Variants in ERCC1 observed in about 807,000 individuals in gnomAD.
ERCC1 encodes ERCC excision repair 1, endonuclease non-catalytic subunit.
A neutral mutation model predicts 37.6 loss-of-function variants in ERCC1; 36 were observed. The observed-to-expected ratio is 0.96, with a 90% CI of 0.73 to 1.26. The LOEUF (loss-of-function observed/expected upper bound fraction) is 1.26. Among genes scored for constraint, ERCC1 ranks in the 50% most tolerant of loss-of-function variants. ERCC1 has a pLI of 0.00. For missense variants in ERCC1, 349 were observed against 376.5 expected (o/e 0.93, Z 0.60); for synonymous variants, 156 against 162.1 (o/e 0.96, Z 0.28).
chr19:45,442,695 A>T (rs1975152328), intron 1 of ERCC1, among the ~76,000 whole-genome samples: 1 of 152,182 alleles, frequency 6.6e-6, no homozygotes, highest in Non-Finnish European at 1.5e-5. Context: ...CAGGATACAA[A>T]TCCCAGGGAG....
chr19:45,419,551 A>G (rs2123504157), intron 4 of ERCC1: 1 of 344,730 alleles, frequency 2.9e-6, no homozygotes, highest in South Asian at 2.5e-5. Flanking sequence ...CCCACTGCCA[A>G]ACCATCTGCT....
intron 1 of ERCC1, among the ~76,000 whole-genome samples, chr19:45,442,037 G>A (rs1276276026): frequency 2.6e-5 from 4 of 151,632 alleles, no homozygotes. Flanking sequence ...GCCAGGTGCG[G>A]TGGCTCATGC....
chr19:45,430,623 T>TTATCA (rs2123569205), intron 1 of ERCC1, among the ~76,000 whole-genome samples: 2 of 152,192 alleles, frequency 1.3e-5, no homozygotes, highest in South Asian at 4.1e-4. Flanking sequence ...TACAAAATTA[T>TTATCA]TATCATAAGC....
chr19:45,432,374 G>A lies in ERCC1; in HGVS notation c.-7-8993C>T, dbSNP rs1333451271. Among the ~76,000 whole-genome samples, 28 of 151,482 alleles carry A rather than the reference G, an allele frequency of 1.8e-4. 1 individual carries two copies. The highest frequency in any genetic ancestry group is 1.6e-3 in the Admixed American group (25 of 15,170). On this transcript the variant is annotated intron_variant, in intron 1 of 8. Transcript: ENST00000423698. ...GCCCAGGCTGGTCTCAAACTCAAGCGATACTTCCACCCCAGCCTCCCAAGT... is the reference window on the plus strand; with the variant it reads ...GCCCAGGCTGGTCTCAAACTCAAGCAATACTTCCACCCCAGCCTCCCAAGT...
Position 45,409,626 on chromosome 19 carries a change from G to T in ERCC1, c.*49C>A, listed in dbSNP as rs758155521. 1 of 1,548,498 alleles carries T rather than the reference G, an allele frequency of 6.5e-7. No individual in the cohort carries two copies. Among genetic ancestry groups the T allele is most frequent in the East Asian group, 2.3e-5 (1 of 44,414 alleles). On this transcript the variant is annotated 3_prime_UTR_variant, in exon 10 of 10. Transcript: ENST00000300853. Reference sequence around the variant, plus strand: ...GCGCAGCCAGCAGGAGCCTGGCCTGGGAGGACGATTTATTATTACACTGGG... The same window carrying T: ...GCGCAGCCAGCAGGAGCCTGGCCTGTGAGGACGATTTATTATTACACTGGG...
At chr19:45,415,892 T>A (rs1365154700) in intron 6 of ERCC1, 2 of 426,600 alleles carry the variant, frequency 4.7e-6, no homozygotes, top group Non-Finnish European at 9.6e-6. Context: ...TCCCAGCACT[T>A]TGGGAGGCTG....
intron 1 of ERCC1, among the ~76,000 whole-genome samples, chr19:45,433,092 A>C (rs1185824548): frequency 6.6e-6 from 1 of 151,864 alleles, no homozygotes; most frequent in African/African-American, 2.4e-5. Context: ...AAATAAATAA[A>C]TAAATAAATG....
chr19:45,414,728 AGTTTCG>A, intron 7 of ERCC1, 127 bp downstream of exon 7: 2 of 696,326 alleles, frequency 2.9e-6, no homozygotes, highest in Non-Finnish European at 5.2e-6. Context: ...CTCTAGCTGC[AGTTTCG>A]GTGGGATGGG....
At chr19:45,412,593 T>C (rs1973810116) in intron 9 of ERCC1, among the ~76,000 whole-genome samples, 1 of 152,240 alleles carries the variant, frequency 6.6e-6, no homozygotes, top group Non-Finnish European at 1.5e-5. Flanking sequence ...TGGATTATTA[T>C]ATTTTATCCT....
intron 1 of ERCC1, among the ~76,000 whole-genome samples, chr19:45,439,852 G>T (rs994859476): frequency 6.6e-6 from 1 of 151,920 alleles, no homozygotes; most frequent in East Asian, 1.9e-4. Flanking sequence ...CCTCCCCGGG[G>T]CCCTCAGTGG....
At position 45,414,852 on chromosome 19, in the gene ERCC1, TG is replaced by T; in HGVS notation, c.702+8del. On this transcript the variant is annotated splice_region_variant and intron_variant, in intron 7 of 9. Coordinates refer to ENST00000300853, the MANE Select transcript of ERCC1 (RefSeq NM_001983.4). ...GCCCAGGCAGGGATGGGAGGTGAGGTGGCCTCACCCGGGAGACGAAGTCCTG... is the reference window on the plus strand; with the variant it reads ...GCCCAGGCAGGGATGGGAGGTGAGGTGCCTCACCCGGGAGACGAAGTCCTG... 6.3e-7 allele frequency: 1 copy of T among 1,592,402 alleles called. No homozygotes were observed. The highest frequency in any genetic ancestry group is 8.6e-7 in the Non-Finnish European group (1 of 1,160,424).
upstream of ERCC1, among the ~76,000 whole-genome samples, chr19:45,425,445 A>G (rs3212924): frequency 0.26 from 38,815 of 151,686 alleles, 5,247 homozygotes; most frequent in Admixed American, 0.35. Context: ...CTGGAGTGCA[A>G]TGGAGCAATC....
rs1318684807 is a variant in ERCC1 at position 45,420,056 on chromosome 19, C to T, written c.425+268G>A. Among the ~76,000 whole-genome samples, 4 of 149,586 alleles carry T rather than the reference C, an allele frequency of 2.7e-5. No homozygotes were observed. Among genetic ancestry groups the T allele is most frequent in the African/African-American group, 9.9e-5 (4 of 40,448 alleles). Reference sequence around the variant, plus strand: ...CTCCTCCCTCAGATCCCCAGGAGTCCAGCCCTCAGCCCCTCCTCCCCCGGA... The same window carrying T: ...CTCCTCCCTCAGATCCCCAGGAGTCTAGCCCTCAGCCCCTCCTCCCCCGGA... On this transcript the variant is annotated intron_variant, in intron 4 of 9. Transcript: ENST00000300853. The surrounding 1 kb of genome is among the most constrained non-coding windows in gnomAD (Gnocchi z 4.8).
intron 1 of ERCC1, among the ~76,000 whole-genome samples, chr19:45,438,821 A>T (rs1568599342): frequency 6.6e-6 from 1 of 150,394 alleles, no homozygotes; most frequent in Non-Finnish European, 1.5e-5. Flanking sequence ...TTGTATTTTT[A>T]GTAGAGACGG....
intron 1 of ERCC1, among the ~76,000 whole-genome samples, chr19:45,432,151 T>C (rs922545138): frequency 3.3e-5 from 5 of 151,928 alleles, no homozygotes; most frequent in African/African-American, 4.8e-5. Context: ...TTTCATATTT[T>C]AGTAGTGACG....
At chr19:45,416,656 AT>A (rs932358297) in intron 6 of ERCC1, 164 bp downstream of exon 6, 3 of 598,942 alleles carry the variant, frequency 5.0e-6, no homozygotes, top group African/African-American at 4.0e-5. Context: ...AAAAAAAAAA[AT>A]TAAGACCTTG....
chr19:45,420,345 C>T lies in ERCC1; in HGVS notation c.404G>A (p.Ser135Asn), dbSNP rs1974335864. 1.2e-6 allele frequency: 2 copies of T among 1,613,056 alleles called. No homozygotes were observed. The highest frequency in any genetic ancestry group is 1.7e-6 in the Non-Finnish European group (2 of 1,179,482). The change falls in exon 4 of 10, where the codon AGC (serine) becomes AAC (asparagine). Residue 135 changes from serine to asparagine, a missense_variant. Transcript: ENST00000300853. This position sits in a 1 kb window ranked among gnomAD's most constrained non-coding sequence, Gnocchi z 4.8. ...DVIPDYVLGQ[S>N]TCALFLSLRY... ...TCACCTGAGGAACAGGGCACAGGTG[C>T]TCTGGCCCAGCACATAGTCGGGAAT...
rs529916289 is a variant in ERCC1 at position 45,434,138 on chromosome 19, T to TCACACACACA, written c.-7-10767_-7-10758dup. Reference sequence around the variant, plus strand: ...CAGCCTGGCCAACAGCAAGAATGTCTCACACACACACACACACAAAAAAAA... The same window carrying TCACACACACA: ...CAGCCTGGCCAACAGCAAGAATGTCTCACACACACACACACACACACACACACAAAAAAAA... On this transcript the variant is annotated intron_variant, in intron 1 of 8. Transcript: ENST00000423698. 2.9e-4 allele frequency among the ~76,000 whole-genome samples: 29 copies of TCACACACACA among 100,576 alleles called. 1 individual carries two copies. Among genetic ancestry groups the TCACACACACA allele is most frequent in the East Asian group, 9.4e-4 (3 of 3,204 alleles). The allele number at this position is 100,576 out of a possible 152,430, so 66.0% of individuals were successfully genotyped here. A position where few individuals can be genotyped will look rare whatever the true frequency, so the allele number is the denominator to read the frequency against.
chr19:45,437,449 C>T (rs954994041), intron 1 of ERCC1, among the ~76,000 whole-genome samples: 1 of 152,112 alleles, frequency 6.6e-6, no homozygotes, highest in Non-Finnish European at 1.5e-5. Flanking sequence ...TGGAGTCAAC[C>T]TAAGTGTCCA....
Sources: allele counts gnomAD v4.1 joint callset (sites outside exome capture counted in the v4.1 genomes callset), GRCh38; gene constraint gnomAD v4.1.1; non-coding constraint Gnocchi (gnomAD v3.1); transcripts MANE v1.5; gene names NCBI Gene and HGNC (gene_info 2026-07-23, HGNC 2026-07-21).